BOD1L1: variants seen among roughly 807,000 people sequenced by gnomAD.
The protein encoded by BOD1L1 is biorientation of chromosomes in cell division protein 1-like 1.
Under a neutral mutation model 240.7 loss-of-function variants are expected in BOD1L1, and 86 were observed. The observed-to-expected ratio is 0.36, with a 90% CI of 0.30 to 0.43. The LOEUF is 0.43. Among genes scored for constraint, BOD1L1 ranks in the 20% least tolerant of loss-of-function variants. BOD1L1 has a pLI of 1.00. For synonymous variants in BOD1L1, 1,268 were observed against 1,272.3 expected (o/e 1.00, Z 0.07); for missense variants, 3,554 against 3,643.5 (o/e 0.98, Z 0.63).
Position 13,608,163 on chromosome 4 carries a change from T to C in BOD1L1, c.1742+367A>G, listed in dbSNP as rs147669424. Among the ~76,000 whole-genome samples, 667 of 152,232 alleles carry C rather than the reference T, an allele frequency of 4.4e-3. 5 individuals are homozygous for C. Among genetic ancestry groups the C allele is most frequent in the African/African-American group, 0.015 (630 of 41,530 alleles). ...GGCATGGAAAGACTGGAAATAATAATTGAAAATAAGTGGTTACTGAACACC... is the reference window on the plus strand; with the variant it reads ...GGCATGGAAAGACTGGAAATAATAACTGAAAATAAGTGGTTACTGAACACC... On this transcript the variant is annotated intron_variant, in intron 8 of 25. Coordinates refer to ENST00000040738, the MANE Select transcript of BOD1L1 (RefSeq NM_148894.3).
chr4:13,585,890 C>T (rs1713646943), intron 17 of BOD1L1, among the ~76,000 whole-genome samples: 1 of 152,126 alleles, frequency 6.6e-6, no homozygotes, highest in Non-Finnish European at 1.5e-5. Flanking sequence ...TGCCTTCTAC[C>T]ATGATTGTGA....
intron 1 of BOD1L1, among the ~76,000 whole-genome samples, chr4:13,623,159 C>G (rs977011489): frequency 6.6e-6 from 1 of 152,136 alleles, no homozygotes; most frequent in African/African-American, 2.4e-5. Context: ...TCCATAGGAC[C>G]TACCATACAT....
At chr4:13,588,013 G>A (rs912994685) in intron 15 of BOD1L1, among the ~76,000 whole-genome samples, 2 of 151,976 alleles carry the variant, frequency 1.3e-5, no homozygotes, top group Non-Finnish European at 2.9e-5. Flanking sequence ...GTGAAACCCC[G>A]TCTCTACTAA....
rs1711991995 is a variant in BOD1L1, at chr4:13,569,141, C to A, written c.*870G>T. 6.6e-6 allele frequency: 1 copy of A among 152,018 alleles called. No homozygotes were observed. The highest frequency in any genetic ancestry group is 2.4e-5 in the African/African-American group (1 of 41,364). 9.4% of individuals were successfully genotyped at this position (152,018 alleles called of 1,614,324 possible). On this transcript the variant is annotated 3_prime_UTR_variant, in exon 26 of 26. Coordinates refer to ENST00000040738, the MANE Select transcript of BOD1L1 (RefSeq NM_148894.3). ...CTAATCTTGAATGCATTTCTCTTCA[C>A]TGAAAAAGACAATATGGAAAGAGTA...
chr4:13,600,391 G>T lies in BOD1L1; in HGVS notation c.6509C>A (p.Pro2170Gln). 3 of 1,613,906 alleles carry T rather than the reference G, an allele frequency of 1.9e-6. No homozygotes were observed. Among genetic ancestry groups the T allele is most frequent in the Non-Finnish European group, 2.5e-6 (3 of 1,179,866 alleles). ...TTIKCAESLQ[P>Q]VAAAVEERAT... is the part of the protein sequence containing the mutation. ...CCTTTCTTCCACTGCTGCAGCAACC[G>T]GCTGAAGACTTTCAGCACACTTGAT... Residue 2170 changes from proline to glutamine, a missense_variant, in exon 10 of 26, where the codon CCG (proline) becomes CAG (glutamine). This residue lies in a region of BOD1L1 where 3,393 missense variants were observed against 3,427.1 expected (regional missense o/e 0.99). Coordinates refer to ENST00000040738, the MANE Select transcript of BOD1L1 (RefSeq NM_148894.3).
Position 13,604,133 on chromosome 4 carries a change from C to G in BOD1L1, c.2767G>C (p.Val923Leu). ...CCTTCTTGTAATTCTGTTTCTACAACTTTTACCTGTTTGCCTTGAGTTTTT... is the reference window on the plus strand; with the variant it reads ...CCTTCTTGTAATTCTGTTTCTACAAGTTTTACCTGTTTGCCTTGAGTTTTT... ...KSKTQGKQVK[V>L]VETELQEGAT... Residue 923 changes from valine (V) to leucine (L), a missense_variant, in exon 10 of 26, where the codon GTT becomes CTT. Val to Leu is a conservative substitution (Grantham distance 32). Around this residue, in one of 2 missense-constraint regions of BOD1L1, gnomAD observed 3,393 missense variants for 3,427.1 expected, o/e 0.99. Transcript: ENST00000040738. 1 of 1,613,452 alleles carries G rather than the reference C, an allele frequency of 6.2e-7. No homozygotes were observed. Among genetic ancestry groups the G allele is most frequent in the East Asian group, 2.2e-5 (1 of 44,870 alleles).
intron 6 of BOD1L1, among the ~76,000 whole-genome samples, chr4:13,610,443 C>G (rs867402324): frequency 3.3e-5 from 5 of 152,330 alleles, no homozygotes; most frequent in South Asian, 4.1e-4. Flanking sequence ...AAAATCTTAA[C>G]TCTTTGAGCA....
chr4:13,599,333 T>G lies in BOD1L1; in HGVS notation c.7567A>C (p.Ile2523Leu), dbSNP rs1023039148. The change falls in exon 10 of 26, where the codon ATT (isoleucine) becomes CTT (leucine). Residue 2523 changes from isoleucine (I) to leucine (L), a missense_variant. By Grantham distance (5) the Ile-to-Leu change is conservative. Around this residue, in one of 2 missense-constraint regions of BOD1L1, gnomAD observed 3,393 missense variants for 3,427.1 expected, o/e 0.99. Transcript: ENST00000040738. ...GTGTTTACTGCTGCCAAATAGCGAA[T>G]GCTGACAGAGGGATCCTTAGCCGTC... ...GQTAKDPSVS[I>L]RYLAAVNTGA... is the part of the protein sequence containing the mutation. 6.2e-7 allele frequency: 1 copy of G among 1,609,548 alleles called. No individual in the cohort carries two copies. Among genetic ancestry groups the G allele is most frequent in the Non-Finnish European group, 8.5e-7 (1 of 1,179,836 alleles).
chr4:13,610,899 T>C, intron 6 of BOD1L1, 35 bp downstream of exon 6: 5 of 1,538,466 alleles, frequency 3.2e-6, no homozygotes, highest in South Asian at 2.4e-5. Flanking sequence ...TAACCTGATG[T>C]AGTAGGTTAA....
At chr4:13,612,774 G>A (rs1005174642) in intron 5 of BOD1L1, among the ~76,000 whole-genome samples, 5 of 152,080 alleles carry the variant, frequency 3.3e-5, no homozygotes, top group African/African-American at 9.7e-5. Flanking sequence ...ATTTAGGGTC[G>A]GAGTGTTGGG....
At position 13,604,067 on chromosome 4, in the gene BOD1L1, TCTC is replaced by T. The variant is rs771867874; in HGVS notation, c.2830_2832del (p.Glu944del). ...TCTGAGTCATTTTCTTCTGTGTTCT[TCTC>T]CTTGTCTGGTTTTGGAGTGGTTGCC... On this transcript the variant is annotated inframe_deletion, in exon 10 of 26. Transcript: ENST00000040738. The T allele has an allele frequency of 3.7e-6, 6 of 1,613,750 alleles. No individual in the cohort carries two copies. In the African/African-American group the frequency reaches 8.0e-5, roughly 22 times the overall value.
At chr4:13,610,703 C>T (rs909286195) in intron 6 of BOD1L1, among the ~76,000 whole-genome samples, 1 of 152,142 alleles carries the variant, frequency 6.6e-6, no homozygotes, top group Non-Finnish European at 1.5e-5. Context: ...AAATTTGAAA[C>T]ACCTCTGGTC....
intron 9 of BOD1L1, among the ~76,000 whole-genome samples, chr4:13,606,546 G>A (rs908733967): frequency 6.6e-6 from 1 of 152,092 alleles, no homozygotes; most frequent in Non-Finnish European, 1.5e-5. Context: ...AACATTGTAC[G>A]TTACTTTTAC....
chr4:13,606,266 G>C (rs531566320), intron 9 of BOD1L1, among the ~76,000 whole-genome samples: 14 of 152,162 alleles, frequency 9.2e-5, no homozygotes, highest in African/African-American at 2.6e-4. Context: ...TTCTTATAGA[G>C]AATTATCATA....
rs948919108 is a variant in BOD1L1 at position 13,599,904 on chromosome 4, G to C, written c.6996C>G (p.Thr2332=). The C allele has an allele frequency of 1.9e-6, 3 of 1,613,876 alleles. No homozygotes were observed. The highest frequency in any genetic ancestry group is 1.7e-6 in the Non-Finnish European group (2 of 1,179,828). The change falls in exon 10 of 26, where the codon ACC becomes ACG. Residue 2332 remains threonine, a synonymous_variant. Transcript: ENST00000040738. ...EDLSDAAIIS[T]STAECMPISA... ...AAATTGGCATACATTCTGCTGTGCT[G>C]GTGGAGATGATGGCAGCATCGCTCA...
chr4:13,615,057 C>T (rs985207498), intron 3 of BOD1L1, among the ~76,000 whole-genome samples: 1 of 152,240 alleles, frequency 6.6e-6, no homozygotes, highest in South Asian at 2.1e-4. Context: ...TAGAAAAAGA[C>T]TATATTCTCT....
rs755449351 is a variant in BOD1L1 at position 13,595,892 on chromosome 4, T to C, written c.8072A>G (p.Glu2691Gly). 3.7e-6 allele frequency: 6 copies of C among 1,613,654 alleles called. No homozygotes were observed. The highest frequency in any genetic ancestry group is 5.1e-6 in the Non-Finnish European group (6 of 1,179,866). Residue 2691 changes from glutamate to glycine, a missense_variant, in exon 12 of 26, where the codon GAA (glutamate) becomes GGA (glycine). By Grantham distance (98) the Glu-to-Gly change is moderately conservative. Around this residue, in one of 2 missense-constraint regions of BOD1L1, gnomAD observed 3,393 missense variants for 3,427.1 expected, o/e 0.99. Transcript: ENST00000040738. Reference protein sequence around the residue: ...EKNGEILAPPESLCGGKPSGI... With the variant: ...EKNGEILAPPGSLCGGKPSGI... ...ACTTGGCTTTCCCCCACACAGACTT[T>C]CTGGTGGTGCCAGAATTTCACCATT...
In BOD1L1 at chr4:13,582,370, T is replaced by C. The variant is rs115357951; in HGVS notation, c.8519-60A>G. On this transcript the variant is annotated intron_variant, in intron 18 of 25. Transcript: ENST00000040738. ...GACCATGGTCAGCCTTCCCCACCTT[T>C]ACCCAGGTGACCTACACAGCTGCAG... 1.1e-3 allele frequency: 1,512 copies of C among 1,329,790 alleles called. 10 individuals are homozygous for C. In the Middle Eastern group the frequency reaches 0.022, roughly 19 times the overall value. 82.4% of individuals were successfully genotyped at this position (1,329,790 alleles called of 1,614,324 possible). A position where few individuals can be genotyped will look rare whatever the true frequency, so the allele number is the denominator to read the frequency against.
In BOD1L1 at chr4:13,602,290, GGC is replaced by G; in HGVS notation, c.4608_4609del (p.Pro1537CysfsTer12). 6.2e-7 allele frequency: 1 copy of G among 1,613,932 alleles called. No homozygotes were observed. The highest frequency in any genetic ancestry group is 1.3e-5 in the African/African-American group (1 of 75,062). The stretch of plus-strand genomic sequence containing the variant: ...TGTTTCTGAAGAAGTGGTTGTGGCA[GGC>G]CCAGCCTTCACTGGACTTAAGGTGA... On this transcript the variant is annotated frameshift_variant, in exon 10 of 26. Transcript: ENST00000040738. LOFTEE classifies it high-confidence loss of function.
Sources: allele counts gnomAD v4.1 joint callset (sites outside exome capture counted in the v4.1 genomes callset), GRCh38; gene constraint gnomAD v4.1.1; regional missense constraint gnomAD v4.1.1; transcripts MANE v1.5; gene names NCBI Gene and HGNC (gene_info 2026-07-23, HGNC 2026-07-21).